The following CTNNA2 variants were observed in gnomAD, a reference collection of about 807,000 sequenced individuals.
CTNNA2 encodes the protein catenin alpha-2.
A neutral mutation model predicts 101.0 loss-of-function variants in CTNNA2; 42 were observed. That is an observed-to-expected ratio of 0.42 (90% CI 0.32 to 0.54). CTNNA2 has a LOEUF of 0.54. CTNNA2 is among the 20% of genes least tolerant of loss of function. The pLI is 0.14. For missense variants in CTNNA2, 871 were observed against 1,223.1 expected, an observed-to-expected ratio of 0.71 and a Z score of 4.29; for synonymous variants, 450 against 456.4, an observed-to-expected ratio of 0.99 and a Z score of 0.18.
chr2:80,508,735 A>G (rs925625590), intron 9 of CTNNA2, among the ~76,000 whole-genome samples: 22 of 151,622 alleles, frequency 1.5e-4, no homozygotes, highest in African/African-American at 5.3e-4. Flanking sequence ...GAAGGAAACC[A>G]CTGACCTCCT....
chr2:79,998,731 C>G (rs1348152570), intron 7 of CTNNA2, among the ~76,000 whole-genome samples: 1 of 152,062 alleles, frequency 6.6e-6, no homozygotes, highest in Non-Finnish European at 1.5e-5. Context: ...ATTGCCTAAC[C>G]CCTTTAAAAG....
intron 6 of CTNNA2, among the ~76,000 whole-genome samples, chr2:79,903,017 T>C (rs1558626993): frequency 6.6e-6 from 1 of 152,202 alleles, no homozygotes; most frequent in Non-Finnish European, 1.5e-5. Context: ...AACATTGCAG[T>C]GTAAAAATAG....
At chr2:79,936,598 A>C (rs934656374) in intron 7 of CTNNA2, among the ~76,000 whole-genome samples, 7 of 151,652 alleles carry the variant, frequency 4.6e-5, no homozygotes, top group African/African-American at 1.7e-4. Context: ...GACAGGCTTA[A>C]TTAAAGTTGT....
At chr2:80,644,145 T>C (rs1167341577) in intron 18 of CTNNA2, among the ~76,000 whole-genome samples, 1 of 152,074 alleles carries the variant, frequency 6.6e-6, no homozygotes, top group African/African-American at 2.4e-5. Flanking sequence ...ATAGTAGTGG[T>C]CCTAATCCCT....
chr2:80,239,772 C>T (rs958662842), intron 7 of CTNNA2, among the ~76,000 whole-genome samples: 1 of 151,844 alleles, frequency 6.6e-6, no homozygotes, highest in Non-Finnish European at 1.5e-5. Context: ...ATTAGCCAGG[C>T]GTGATGGCAT....
upstream of CTNNA2, among the ~76,000 whole-genome samples, chr2:79,508,500 T>C (rs2103816829): frequency 6.6e-6 from 1 of 152,302 alleles, no homozygotes; most frequent in East Asian, 1.9e-4. Context: ...TGAGAAGACA[T>C]ATTAAAGCTT....
chr2:80,531,613 A>G (rs148365928), intron 9 of CTNNA2, among the ~76,000 whole-genome samples: 94 of 152,254 alleles, frequency 6.2e-4, no homozygotes, highest in African/African-American at 2.2e-3. Context: ...AATATCCTAG[A>G]GGTCCTTCTG....
At chr2:80,483,870 T>C (rs1686339152) in intron 9 of CTNNA2, among the ~76,000 whole-genome samples, 1 of 152,178 alleles carries the variant, frequency 6.6e-6, no homozygotes, top group Admixed American at 6.5e-5. Context: ...TGTGCAGGGC[T>C]GTACAGTGTA....
At chr2:80,125,008 A>G (rs1363294102) in intron 7 of CTNNA2, among the ~76,000 whole-genome samples, 4 of 152,208 alleles carry the variant, frequency 2.6e-5, no homozygotes, top group African/African-American at 9.6e-5. Context: ...CTGATTTGCC[A>G]GCTTGGAAGA....
At chr2:80,226,327 G>A (rs186108435) in intron 7 of CTNNA2, among the ~76,000 whole-genome samples, 2 of 152,328 alleles carry the variant, frequency 1.3e-5, no homozygotes, top group Admixed American at 1.3e-4. Context: ...ACTCCTCTGA[G>A]GGACTGGAGG....
chr2:79,949,620 A>G (rs76138613), intron 7 of CTNNA2, among the ~76,000 whole-genome samples: 2,862 of 152,114 alleles, frequency 0.019, 96 homozygotes, highest in African/African-American at 0.066. Context: ...AAGTAAGTAA[A>G]TAAATAAATT....
chr2:79,655,869 C>T (rs572485790), intron 2 of CTNNA2, among the ~76,000 whole-genome samples: 1 of 151,966 alleles, frequency 6.6e-6, no homozygotes, highest in South Asian at 2.1e-4. Flanking sequence ...ACCTTTTAGT[C>T]CAGTTATCTA....
chr2:79,346,220 G>T (rs56048430), intron 3 of CTNNA2, among the ~76,000 whole-genome samples: 12,957 of 152,130 alleles, frequency 0.085, 898 homozygotes, highest in East Asian at 0.34. Flanking sequence ...GCTAAGCATT[G>T]AGGGAACAGG....
intron 16 of CTNNA2, 45 bp from the exon 17 acceptor site, chr2:80,608,139 T>G (rs754007831): frequency 6.5e-7 from 1 of 1,535,534 alleles, no homozygotes; most frequent in African/African-American, 1.4e-5. Context: ...TGTTAGAAAC[T>G]GAAGAGTACT....
At chr2:80,528,757 T>C (rs1161895664) in intron 9 of CTNNA2, among the ~76,000 whole-genome samples, 1 of 152,208 alleles carries the variant, frequency 6.6e-6, no homozygotes, top group Non-Finnish European at 1.5e-5. Context: ...AAGTAGACCC[T>C]TTGGGAGTTT....
chr2:79,910,760 C>A (rs1180600227), intron 7 of CTNNA2, among the ~76,000 whole-genome samples: 2 of 152,146 alleles, frequency 1.3e-5, no homozygotes, highest in Admixed American at 6.5e-5. Flanking sequence ...CGAGGCAATG[C>A]TGAAACAAAG....
intron 3 of CTNNA2, among the ~76,000 whole-genome samples, chr2:79,340,563 G>A (rs1027556484): frequency 8.5e-5 from 13 of 152,134 alleles, no homozygotes; most frequent in African/African-American, 3.1e-4. Flanking sequence ...GCCGGGCGTG[G>A]TGGCTCACGC....
At chr2:80,479,988 T>C (rs1686026759) in intron 9 of CTNNA2, among the ~76,000 whole-genome samples, 1 of 152,200 alleles carries the variant, frequency 6.6e-6, no homozygotes, top group Admixed American at 6.6e-5. Flanking sequence ...CTTATTTTAC[T>C]AACCCTTCCT....
chr2:79,884,765 T>TTC (rs113487169), intron 6 of CTNNA2, among the ~76,000 whole-genome samples: 2 of 150,842 alleles, frequency 1.3e-5, no homozygotes, highest in African/African-American at 4.9e-5. Context: ...TTTTTTTTTT[T>TTC]CTGTTCTTGG....
Sources: gnomAD v4.1 joint callset for allele counts (sites outside exome capture counted in the v4.1 genomes callset) on GRCh38, gnomAD v4.1.1 for gene constraint, MANE v1.5 for transcripts, NCBI Gene and HGNC (gene_info 2026-07-23, HGNC 2026-07-21) for gene names.